TBC1D14: variants seen among roughly 807,000 people sequenced by gnomAD.
The protein encoded by TBC1D14 is TBC1 domain family member 14.
TBC1D14 carries 26 observed loss-of-function variants against 79.0 expected under a neutral mutation model. The observed-to-expected ratio is 0.33, with a 90% CI of 0.24 to 0.46. The LOEUF (loss-of-function observed/expected upper bound fraction) is 0.46. Ranked by LOEUF, TBC1D14 falls within the 20% of genes least tolerant of loss-of-function variation. The pLI is 1.00. For synonymous variants in TBC1D14, 394 were observed against 349.9 expected, an observed-to-expected ratio of 1.13 and a Z score of -1.40; for missense variants, 769 against 887.6, an observed-to-expected ratio of 0.87 and a Z score of 1.70.
At position 6,969,249 on chromosome 4, in the gene TBC1D14, A is replaced by G. The variant is rs138788700; in HGVS notation, c.843+1825A>G. Among the ~76,000 whole-genome samples the G allele has an allele frequency of 4.0e-3, 617 of 152,356 alleles. 6 individuals are homozygous for G. The highest frequency in any genetic ancestry group is 0.013 in the African/African-American group (551 of 41,570). ...ATGAGTTTGTATGCAAAGCTTAGCTATAAATTTCTTAGGAAATTAAATAAC... is the reference window on the plus strand; with the variant it reads ...ATGAGTTTGTATGCAAAGCTTAGCTGTAAATTTCTTAGGAAATTAAATAAC... On this transcript the variant is annotated intron_variant, in intron 3 of 13. Transcript: ENST00000409757.
intron 5 of TBC1D14, chr4:6,998,871 T>G (rs1253544823): frequency 1.9e-6 from 1 of 528,122 alleles, no homozygotes; most frequent in Admixed American, 3.2e-5. Flanking sequence ...TGTACTTTCC[T>G]GTCTAGATGT....
At chr4:7,007,630 G>C (rs980842059) in intron 9 of TBC1D14, 2 of 1,286,462 alleles carry the variant, frequency 1.6e-6, no homozygotes, top group Non-Finnish European at 2.0e-6. Context: ...TGTCTGGTGC[G>C]TGAGCCCAGC....
intron 1 of TBC1D14, among the ~76,000 whole-genome samples, chr4:6,917,046 T>C (rs2108904350): frequency 6.6e-6 from 1 of 152,286 alleles, no homozygotes; most frequent in Admixed American, 6.5e-5. Context: ...CCCTAACCAG[T>C]GTGTAGGCTG....
intron 10 of TBC1D14, among the ~76,000 whole-genome samples, 183 bp downstream of exon 10, chr4:7,010,131 C>G (rs2301820): frequency 0.44 from 66,288 of 152,064 alleles, 15,074 homozygotes; most frequent in East Asian, 0.62. Flanking sequence ...ATTGAGCTGT[C>G]GTGGCTGCTC....
chr4:6,942,205 CTTT>C (rs1349060354), intron 2 of TBC1D14, among the ~76,000 whole-genome samples: 1 of 151,874 alleles, frequency 6.6e-6, no homozygotes, highest in Non-Finnish European at 1.5e-5. Flanking sequence ...ATTTACACAT[CTTT>C]TTTATTTTTA....
chr4:6,940,167 A>C (rs1266221494), intron 2 of TBC1D14, among the ~76,000 whole-genome samples: 1 of 152,172 alleles, frequency 6.6e-6, no homozygotes, highest in East Asian at 1.9e-4. Context: ...AATTACCCGA[A>C]ATGGAAAATT....
intron 2 of TBC1D14, among the ~76,000 whole-genome samples, chr4:6,963,168 G>T (rs915376312): frequency 2.2e-4 from 33 of 152,250 alleles, no homozygotes; most frequent in Admixed American, 2.2e-3. Context: ...GGGCAAGTGC[G>T]AGGACTTCCC....
At chr4:6,959,867 A>C (rs1317551312) in intron 2 of TBC1D14, among the ~76,000 whole-genome samples, 6 of 152,094 alleles carry the variant, frequency 3.9e-5, no homozygotes, top group Non-Finnish European at 7.4e-5. Flanking sequence ...AAAATCCTGT[A>C]CTTTTTTGGG....
chr4:6,982,163 C>T (rs1717434917), intron 3 of TBC1D14, among the ~76,000 whole-genome samples: 1 of 152,146 alleles, frequency 6.6e-6, no homozygotes, highest in Non-Finnish European at 1.5e-5. Context: ...TATGTTTGCA[C>T]AAAAATCTGT....
chr4:7,028,708 AGCC>A (rs1221736258), intron 13 of TBC1D14, among the ~76,000 whole-genome samples: 2 of 152,142 alleles, frequency 1.3e-5, no homozygotes, highest in Non-Finnish European at 2.9e-5. Flanking sequence ...TATAGGCGTG[AGCC>A]ACCACACCTG....
intron 5 of TBC1D14, among the ~76,000 whole-genome samples, chr4:6,998,195 A>G (rs913316548): frequency 2.6e-5 from 4 of 152,082 alleles, no homozygotes; most frequent in African/African-American, 9.7e-5. Flanking sequence ...CCCTGTCTCT[A>G]CTAAAAATAC....
At chr4:7,017,437 A>C (rs189089925) in intron 12 of TBC1D14, among the ~76,000 whole-genome samples, 1 of 152,164 alleles carries the variant, frequency 6.6e-6, no homozygotes, top group Non-Finnish European at 1.5e-5. Context: ...TTTCCCTTAG[A>C]GTCCTTTCTA....
At chr4:7,027,693 AC>A (rs1465344666) in intron 13 of TBC1D14, among the ~76,000 whole-genome samples, 1 of 62,006 alleles carries the variant, frequency 1.6e-5, no homozygotes, top group Admixed American at 2.3e-4. Context: ...ACACAAAATC[AC>A]CCCCCACACA....
intron 2 of TBC1D14, among the ~76,000 whole-genome samples, chr4:6,930,056 A>G (rs1711588049): frequency 6.6e-6 from 1 of 152,184 alleles, no homozygotes; most frequent in Non-Finnish European, 1.5e-5. Flanking sequence ...TGGGAGAGCA[A>G]AAGGAGATGA....
intron 13 of TBC1D14, among the ~76,000 whole-genome samples, chr4:7,027,653 CCCA>C (rs1381876609): frequency 2.4e-5 from 3 of 123,442 alleles, no homozygotes; most frequent in Non-Finnish European, 3.5e-5. Flanking sequence ...ATCACACACC[CCCA>C]CAATCACCCC....
intron 3 of TBC1D14, among the ~76,000 whole-genome samples, chr4:6,982,915 C>A (rs188415498): frequency 2.0e-5 from 3 of 152,182 alleles, no homozygotes; most frequent in African/African-American, 7.2e-5. Flanking sequence ...AGTGGAATTT[C>A]TTTGGAGAGG....
intron 3 of TBC1D14, among the ~76,000 whole-genome samples, chr4:6,980,463 C>T (rs780056976): frequency 3.3e-5 from 5 of 151,954 alleles, no homozygotes; most frequent in Non-Finnish European, 7.4e-5. Flanking sequence ...AAAGTTTCTA[C>T]CTGAAGAAAG....
chr4:6,948,963 C>T (rs547476290), intron 2 of TBC1D14, among the ~76,000 whole-genome samples: 7 of 151,754 alleles, frequency 4.6e-5, no homozygotes, highest in Admixed American at 2.6e-4. Flanking sequence ...TTTGGGAGGC[C>T]GAGGCGGGTG....
At chr4:6,953,671 G>A (rs1484920062) in intron 2 of TBC1D14, among the ~76,000 whole-genome samples, 1 of 143,020 alleles carries the variant, frequency 7.0e-6, no homozygotes, top group South Asian at 2.3e-4. Flanking sequence ...AGTTTTGGGG[G>A]ACATGAGGTT....
Sources: allele counts gnomAD v4.1 joint callset (sites outside exome capture counted in the v4.1 genomes callset), GRCh38; gene constraint gnomAD v4.1.1; transcripts MANE v1.5; gene names NCBI Gene and HGNC (gene_info 2026-07-23, HGNC 2026-07-21).